The following FKBP5 variants were observed in gnomAD, a reference collection of about 807,000 sequenced individuals.
FKBP5 encodes FKBP prolyl isomerase 5.
A neutral mutation model predicts 50.5 loss-of-function variants in FKBP5; 23 were observed. The observed-to-expected ratio is 0.46, with a 90% CI of 0.33 to 0.65. FKBP5 has a LOEUF of 0.65. FKBP5 is among the 30% of genes least tolerant of loss of function. FKBP5 has a pLI of 0.02. For missense variants in FKBP5, 411 were observed against 553.1 expected, an observed-to-expected ratio of 0.74 and a Z score of 2.58; for synonymous variants, 176 against 190.6, an observed-to-expected ratio of 0.92 and a Z score of 0.63.
intron 5 of FKBP5, among the ~76,000 whole-genome samples, chr6:35,617,370 T>C (rs1488914832): frequency 1.3e-5 from 2 of 151,960 alleles, no homozygotes; most frequent in Non-Finnish European, 1.5e-5. Flanking sequence ...TAGGCTAGAG[T>C]GCACTGGCTA....
intron 9 of FKBP5, among the ~76,000 whole-genome samples, chr6:35,579,158 G>GCA (rs1272435977): frequency 1.1e-4 from 16 of 147,268 alleles, no homozygotes; most frequent in East Asian, 2.0e-4. Context: ...ACGCGCGCGC[G>GCA]CACACACTCT....
chr6:35,691,776 T>A (rs115838467), upstream of FKBP5, among the ~76,000 whole-genome samples: 54 of 152,310 alleles, frequency 3.5e-4, no homozygotes, highest in African/African-American at 1.3e-3. Flanking sequence ...GCGCTATGGC[T>A]GCAGATACCT....
intron 8 of FKBP5, chr6:35,585,645 A>G (rs1561844652): frequency 1.1e-6 from 1 of 908,668 alleles, no homozygotes; most frequent in Non-Finnish European, 1.3e-6. Flanking sequence ...GATAAATAAC[A>G]TATTTATATA....
At chr6:35,592,793 T>C (rs1762861348) in intron 6 of FKBP5, among the ~76,000 whole-genome samples, 1 of 152,146 alleles carries the variant, frequency 6.6e-6, no homozygotes, top group Admixed American at 6.5e-5. Flanking sequence ...GTCACAACTA[T>C]GGGGGTGCTA....
At chr6:35,624,814 A>G (rs1447729066) in intron 3 of FKBP5, among the ~76,000 whole-genome samples, 1 of 152,192 alleles carries the variant, frequency 6.6e-6, no homozygotes, top group African/African-American at 2.4e-5. Context: ...CACAGTTCGC[A>G]TGGTGTGCAT....
chr6:35,671,649 GAAGTT>G (rs1765391309), intron 1 of FKBP5, among the ~76,000 whole-genome samples: 1 of 152,042 alleles, frequency 6.6e-6, no homozygotes. Context: ...TTCTAAGAAT[GAAGTT>G]AACAGCAAAA....
chr6:35,665,030 T>C (rs890528939), intron 1 of FKBP5, among the ~76,000 whole-genome samples: 1 of 152,158 alleles, frequency 6.6e-6, no homozygotes, highest in African/African-American at 2.4e-5. Context: ...TTCGACTCCA[T>C]AGCTATCATC....
rs61139697 is a variant in FKBP5 at position 35,606,659 on chromosome 6, CAAAAAAAAAAAAAAAAAAAAAAA to C, written c.509-9278_509-9256del. 2.0e-4 allele frequency among the ~76,000 whole-genome samples: 5 copies of C among 25,122 alleles called. 1 individual carries two copies. Among genetic ancestry groups the C allele is most frequent in the East Asian group, 1.3e-3 (1 of 764 alleles). The allele number at this position is 25,122 out of a possible 152,430, so 16.5% of individuals were successfully genotyped here. A position where few individuals can be genotyped will look rare whatever the true frequency, so the allele number is the denominator to read the frequency against. On this transcript the variant is annotated intron_variant, in intron 5 of 10. Coordinates refer to ENST00000357266, the MANE Select transcript of FKBP5 (RefSeq NM_004117.4). Reference sequence around the variant, plus strand: ...TGGGCAACAGAATGAGACTCCGTCTCAAAAAAAAAAAAAAAAAAAAAAAAAAAAAAAAAAAAAGTCAAAAAAGA... The same window carrying C: ...TGGGCAACAGAATGAGACTCCGTCTCAAAAAAAAAAAAAAGTCAAAAAAGA...
chr6:35,719,670 C>T (rs924231731), intron 2 of FKBP5, among the ~76,000 whole-genome samples: 2 of 152,194 alleles, frequency 1.3e-5, no homozygotes, highest in Admixed American at 6.5e-5. Context: ...CACCCACAGA[C>T]AGGGCACCTC....
chr6:35,631,339 A>G (rs748672280), intron 3 of FKBP5, among the ~76,000 whole-genome samples: 2 of 152,200 alleles, frequency 1.3e-5, no homozygotes, highest in Admixed American at 1.3e-4. Context: ...AAGATAATAC[A>G]AGATTCTGTT....
chr6:35,589,650 A>G (rs993522129), intron 7 of FKBP5, among the ~76,000 whole-genome samples: 9 of 152,222 alleles, frequency 5.9e-5, no homozygotes, highest in Admixed American at 1.3e-4. Context: ...GCTGCTTTAC[A>G]AAAATGGAAA....
At chr6:35,690,979 C>G (rs577236944), upstream of FKBP5, among the ~76,000 whole-genome samples, 11 of 151,880 alleles carry the variant, frequency 7.2e-5, no homozygotes, top group South Asian at 2.3e-3. Flanking sequence ...GCACTCCAGC[C>G]TGGGCAACAA....
In FKBP5 at chr6:35,660,515, G is replaced by A. The variant is rs530179917; in HGVS notation, c.-19-17672C>T. ...ACTCCCGAGCTCAGGTGATCCTCCC[G>A]CCTCGGCCTCCCAAAGTGCTGGGAT... On this transcript the variant is annotated intron_variant, in intron 1 of 10. Transcript: ENST00000357266. Among the ~76,000 whole-genome samples, 8 of 81,692 alleles carry A rather than the reference G, an allele frequency of 9.8e-5. 3 individuals are homozygous for A. In the South Asian group the frequency reaches 3.5e-3, roughly 36 times the overall value. 53.6% of individuals were successfully genotyped at this position (81,692 alleles called of 152,430 possible).
At chr6:35,576,133 A>T (rs1181746281) in intron 10 of FKBP5, among the ~76,000 whole-genome samples, 191 bp from the exon 11 acceptor site, 1 of 152,162 alleles carries the variant, frequency 6.6e-6, no homozygotes, top group African/African-American at 2.4e-5. Flanking sequence ...TGGTTGACAC[A>T]TGGGACAGCT....
At chr6:35,642,216 A>T (rs1356698041) in intron 2 of FKBP5, among the ~76,000 whole-genome samples, 1 of 152,146 alleles carries the variant, frequency 6.6e-6, no homozygotes, top group African/African-American at 2.4e-5. Context: ...AACCCCAGGT[A>T]AATCTGCATT....
chr6:35,692,790 CAAA>C (rs71002588), upstream of FKBP5, among the ~76,000 whole-genome samples: 2 of 105,634 alleles, frequency 1.9e-5, no homozygotes, highest in South Asian at 3.2e-4. Context: ...GACTCTGTCT[CAAA>C]AAAAAAAAAA....
At chr6:35,722,667 C>T (rs1180974460) in intron 1 of FKBP5, among the ~76,000 whole-genome samples, 2 of 152,214 alleles carry the variant, frequency 1.3e-5, no homozygotes, top group Non-Finnish European at 2.9e-5. Context: ...GGCTGCTTCA[C>T]GCCTGTGTGC....
At chr6:35,618,198 A>G (rs1320724944) in intron 5 of FKBP5, among the ~76,000 whole-genome samples, 4 of 152,196 alleles carry the variant, frequency 2.6e-5, no homozygotes, top group East Asian at 3.9e-4. Flanking sequence ...ATGAACAAAC[A>G]TATCAGGCAA....
chr6:35,719,294 A>G (rs996058757), intron 2 of FKBP5, among the ~76,000 whole-genome samples: 2 of 152,226 alleles, frequency 1.3e-5, no homozygotes, highest in Non-Finnish European at 2.9e-5. Context: ...TGGTGATAGA[A>G]ATCAGAATCA....
Sources: allele counts gnomAD v4.1 joint callset (sites outside exome capture counted in the v4.1 genomes callset), GRCh38; gene constraint gnomAD v4.1.1; transcripts MANE v1.5; gene names NCBI Gene and HGNC (gene_info 2026-07-23, HGNC 2026-07-21).